The following SCHIP1 variants were observed in gnomAD, a reference collection of about 807,000 sequenced individuals.
The protein encoded by SCHIP1 is schwannomin-interacting protein 1.
A neutral mutation model predicts 29.7 loss-of-function variants in SCHIP1; 8 were observed. That is an observed-to-expected ratio of 0.27 (90% confidence interval 0.16 to 0.49). SCHIP1 has a LOEUF of 0.49. Ranked by LOEUF, SCHIP1 falls within the 20% of genes least tolerant of loss-of-function variation. The probability of loss-of-function intolerance (pLI) is 0.99; values close to 1 mark genes in which losing one functional copy is unlikely to be tolerated. For missense variants in SCHIP1, 193 were observed against 294.6 expected (o/e 0.66, Z 2.52); for synonymous variants, 76 against 94.9 (o/e 0.80, Z 1.16).
At chr3:159,616,286 G>T in the SCHIP1 span, among the ~76,000 whole-genome samples, 2 of 152,126 alleles carry the variant, frequency 1.3e-5, no homozygotes, top group Non-Finnish European at 2.9e-5. Flanking sequence ...ATTTTTAGTA[G>T]AGACGGGGCT....
chr3:159,467,120 TAC>T, the SCHIP1 span, among the ~76,000 whole-genome samples: 2 of 151,938 alleles, frequency 1.3e-5, no homozygotes, highest in African/African-American at 4.8e-5. Context: ...TCTCTGCACA[TAC>T]ACACACACAC....
At chr3:159,825,008 A>G in the SCHIP1 span, among the ~76,000 whole-genome samples, 1 of 152,092 alleles carries the variant, frequency 6.6e-6, no homozygotes, top group African/African-American at 2.4e-5. Context: ...TTTGCCTTCT[A>G]TTCTCTGATT....
chr3:159,829,100 T>C, the SCHIP1 span, among the ~76,000 whole-genome samples: 15 of 152,324 alleles, frequency 9.8e-5, 1 homozygote, highest in South Asian at 2.9e-3. Context: ...GATTTACCTA[T>C]CCGTCAGTTG....
chr3:159,602,262 G>GT, the SCHIP1 span, among the ~76,000 whole-genome samples: 1 of 152,162 alleles, frequency 6.6e-6, no homozygotes. Context: ...TTTCCCACGA[G>GT]TTTTTTGTTG....
chr3:159,623,038 A>G, the SCHIP1 span, among the ~76,000 whole-genome samples: 1 of 152,238 alleles, frequency 6.6e-6, no homozygotes, highest in Non-Finnish European at 1.5e-5. Flanking sequence ...TTGGCAACAG[A>G]CTGAATACCT....
chr3:159,517,835 A>C, the SCHIP1 span, among the ~76,000 whole-genome samples: 2 of 152,260 alleles, frequency 1.3e-5, no homozygotes, highest in Admixed American at 6.5e-5. Flanking sequence ...TTTAAAAGAC[A>C]GAAAAAACAG....
chr3:159,862,267 T>C (rs1714140546), intron 1 of SCHIP1, among the ~76,000 whole-genome samples: 1 of 152,182 alleles, frequency 6.6e-6, no homozygotes, highest in Admixed American at 6.5e-5. Flanking sequence ...CACCTTACTC[T>C]TTAATGTGGA....
the SCHIP1 span, chr3:159,765,104 G>A: frequency 1.8e-5 from 29 of 1,571,278 alleles, no homozygotes; most frequent in African/African-American, 3.5e-4. Flanking sequence ...CAGGAGGTAC[G>A]GAACCAGGGC....
chr3:159,824,634 A>G, the SCHIP1 span, among the ~76,000 whole-genome samples: 1 of 152,342 alleles, frequency 6.6e-6, no homozygotes, highest in East Asian at 1.9e-4. Flanking sequence ...CAGGCAACCA[A>G]GTGCCTGGAG....
the SCHIP1 span, among the ~76,000 whole-genome samples, chr3:159,598,925 C>A: frequency 6.6e-6 from 1 of 151,916 alleles, no homozygotes; most frequent in Non-Finnish European, 1.5e-5. Flanking sequence ...TCCTGGATTG[C>A]TTTTTCATTA....
At chr3:159,592,109 G>T in the SCHIP1 span, among the ~76,000 whole-genome samples, 1 of 151,982 alleles carries the variant, frequency 6.6e-6, no homozygotes, top group East Asian at 1.9e-4. Flanking sequence ...AACACAAGTT[G>T]AAGTACTCAG....
chr3:159,444,578 G>A, the SCHIP1 span, among the ~76,000 whole-genome samples: 1 of 152,142 alleles, frequency 6.6e-6, no homozygotes, highest in Non-Finnish European at 1.5e-5. Context: ...CCCATTCAGA[G>A]GAGATATTCA....
the SCHIP1 span, among the ~76,000 whole-genome samples, chr3:159,744,273 C>A: frequency 0.014 from 2,104 of 152,184 alleles, 36 homozygotes; most frequent in African/African-American, 0.032. Context: ...TTAACTCTCC[C>A]TAAAACATAA....
the SCHIP1 span, among the ~76,000 whole-genome samples, chr3:159,641,640 A>G: frequency 6.6e-6 from 1 of 152,070 alleles, no homozygotes; most frequent in Non-Finnish European, 1.5e-5. Context: ...GCATAGATTA[A>G]AGAACGAATG....
At chr3:159,697,325 A>G in the SCHIP1 span, among the ~76,000 whole-genome samples, 6 of 152,178 alleles carry the variant, frequency 3.9e-5, no homozygotes, top group Non-Finnish European at 8.8e-5. Flanking sequence ...TTCCTGTAAA[A>G]CTGGGAATTT....
intron 2 of SCHIP1, among the ~76,000 whole-genome samples, chr3:159,867,888 T>C (rs1307396706): frequency 1.3e-5 from 2 of 151,802 alleles, no homozygotes; most frequent in Non-Finnish European, 2.9e-5. Flanking sequence ...AGTGCCAAAA[T>C]GTCTTCTTTT....
the SCHIP1 span, among the ~76,000 whole-genome samples, chr3:159,504,431 T>C: frequency 3.9e-5 from 6 of 152,296 alleles, no homozygotes; most frequent in South Asian, 2.1e-4. Context: ...TTTTAAAGTA[T>C]ATTTACATTT....
chr3:159,330,280 T>G, the SCHIP1 span, among the ~76,000 whole-genome samples: 2 of 152,176 alleles, frequency 1.3e-5, no homozygotes, highest in Non-Finnish European at 2.9e-5. Context: ...AGAAATGTAA[T>G]TGGAGAGATG....
intron 1 of SCHIP1, among the ~76,000 whole-genome samples, chr3:159,863,084 G>C (rs924755778): frequency 6.6e-6 from 1 of 152,152 alleles, no homozygotes; most frequent in Non-Finnish European, 1.5e-5. Flanking sequence ...GCTCACGCTT[G>C]TAATCCCAGC....
Sources: allele counts gnomAD v4.1 joint callset (sites outside exome capture counted in the v4.1 genomes callset), GRCh38; gene constraint gnomAD v4.1.1; transcripts MANE v1.5; gene names NCBI Gene and HGNC (gene_info 2026-07-23, HGNC 2026-07-21).